Variants in TMTC2 observed in about 807,000 individuals in gnomAD.
TMTC2 encodes the protein transmembrane O-mannosyltransferase targeting cadherins 2, also known as protein O-mannosyl-transferase TMTC2.
Under a neutral mutation model 82.4 loss-of-function variants are expected in TMTC2, and 43 were observed. That is an observed-to-expected ratio of 0.52 (90% CI 0.41 to 0.67). The LOEUF (loss-of-function observed/expected upper bound fraction) is 0.67. TMTC2 is among the 30% of genes least tolerant of loss of function. The pLI, the probability that TMTC2 is intolerant of heterozygous loss-of-function variation, is 0.00. For missense variants in TMTC2, 919 were observed against 1,012.4 expected (o/e 0.91, Z 1.25); for synonymous variants, 408 against 381.9 (o/e 1.07, Z -0.80).
chr12:82,697,148 A>G (rs988317243), intron 1 of TMTC2, among the ~76,000 whole-genome samples: 1 of 151,698 alleles, frequency 6.6e-6, no homozygotes, highest in East Asian at 1.9e-4. Flanking sequence ...GATTGAGACC[A>G]TCCTGGTCAA....
At chr12:82,717,578 G>A (rs1873961839) in intron 1 of TMTC2, among the ~76,000 whole-genome samples, 1 of 152,008 alleles carries the variant, frequency 6.6e-6, no homozygotes, top group African/African-American at 2.4e-5. Context: ...TCTTATCTTA[G>A]GCACTTAACT....
At chr12:82,753,599 T>C (rs1434964525) in intron 1 of TMTC2, among the ~76,000 whole-genome samples, 2 of 152,098 alleles carry the variant, frequency 1.3e-5, no homozygotes, top group African/African-American at 4.8e-5. Flanking sequence ...TGGAAGGAAG[T>C]CATAAAAAAA....
In TMTC2 at chr12:82,733,071, T is replaced by C. The variant is rs1874910063; in HGVS notation, c.83+45402T>C. ...TGTTCTCAGAGGGAAGATCTCTTTA[T>C]TTTTTTTCAAAATGTTTCATTTGTG... On this transcript the variant is annotated intron_variant, in intron 1 of 11. Coordinates refer to ENST00000321196, the MANE Select transcript of TMTC2 (RefSeq NM_152588.3). 2.6e-5 allele frequency among the ~76,000 whole-genome samples: 4 copies of C among 152,048 alleles called. No individual in the cohort carries two copies. In the South Asian group the frequency reaches 8.3e-4, roughly 32 times the overall value.
chr12:82,819,422 G>A (rs569441499), intron 1 of TMTC2, among the ~76,000 whole-genome samples: 2 of 151,014 alleles, frequency 1.3e-5, no homozygotes, highest in African/African-American at 4.9e-5. Flanking sequence ...GTTTATCATG[G>A]TTCCTCTTGA....
chr12:82,973,533 A>AT (rs1315726474), intron 7 of TMTC2, among the ~76,000 whole-genome samples: 4 of 152,126 alleles, frequency 2.6e-5, no homozygotes, highest in Admixed American at 6.5e-5. Context: ...AAAAACTATA[A>AT]TTTTTTCTCC....
Position 83,029,896 on chromosome 12 carries a change from C to T in TMTC2, c.2071-902C>T, listed in dbSNP as rs550477276. Among the ~76,000 whole-genome samples, 9 of 152,204 alleles carry T rather than the reference C, an allele frequency of 5.9e-5. No homozygotes were observed. In the South Asian group the frequency reaches 1.9e-3, roughly 32 times the overall value. On this transcript the variant is annotated intron_variant, in intron 8 of 11. Coordinates refer to ENST00000321196, the MANE Select transcript of TMTC2 (RefSeq NM_152588.3). ...CTGTTTTTTGCTTATTTTCCTTGTG[C>T]GTATGATGGTAATATTTACTTAAAA...
At chr12:82,728,626 C>T (rs897266104) in intron 1 of TMTC2, among the ~76,000 whole-genome samples, 11 of 152,200 alleles carry the variant, frequency 7.2e-5, no homozygotes, top group African/African-American at 2.4e-4. Context: ...TCACAGCCCT[C>T]GCTTGCTCTG....
intron 1 of TMTC2, among the ~76,000 whole-genome samples, chr12:82,828,246 C>G (rs1592555367): frequency 7.1e-6 from 1 of 141,426 alleles, no homozygotes. Context: ...GGCAGTCTCA[C>G]TCTGTCACCC....
chr12:82,921,079 T>A (rs1384223497), intron 3 of TMTC2, among the ~76,000 whole-genome samples: 1 of 152,174 alleles, frequency 6.6e-6, no homozygotes, highest in African/African-American at 2.4e-5. Context: ...ATTTTGTTAC[T>A]ACTGAGGGTT....
intron 9 of TMTC2, among the ~76,000 whole-genome samples, chr12:83,046,406 G>C (rs1013182335): frequency 2.6e-5 from 4 of 152,172 alleles, no homozygotes; most frequent in Non-Finnish European, 5.9e-5. Flanking sequence ...CACTGAATCT[G>C]AAATTCTGCG....
chr12:82,857,422 G>A lies in TMTC2; in HGVS notation c.496G>A (p.Ala166Thr). 1 of 1,614,192 alleles carries A rather than the reference G, an allele frequency of 6.2e-7. No homozygotes were observed. Among genetic ancestry groups the A allele is most frequent in the Non-Finnish European group, 8.5e-7 (1 of 1,180,036 alleles). The change falls in exon 2 of 12, where the codon GCC (alanine) becomes ACC (threonine). Residue 166 changes from alanine to threonine, a missense_variant. Ala to Thr is a moderately conservative substitution (Grantham distance 58). Coordinates refer to ENST00000321196, the MANE Select transcript of TMTC2 (RefSeq NM_152588.3). ...IKHCSTRGYS[A>T]RTWGWFLGSG... ...ACACTGTTCTACAAGAGGCTACTCA[G>A]CCAGAACCTGGGGCTGGTTCCTGGG...
chr12:82,699,421 A>G (rs995304086), intron 1 of TMTC2, among the ~76,000 whole-genome samples: 3 of 152,206 alleles, frequency 2.0e-5, no homozygotes, highest in African/African-American at 4.8e-5. Context: ...TGCATCTGGT[A>G]TAAATAGTCT....
At chr12:82,987,011 A>T (rs1879179494) in intron 8 of TMTC2, among the ~76,000 whole-genome samples, 1 of 152,212 alleles carries the variant, frequency 6.6e-6, no homozygotes, top group Non-Finnish European at 1.5e-5. Context: ...AACATAGAGC[A>T]AATGATCAGG....
chr12:82,883,368 A>AT (rs1465391660), intron 2 of TMTC2, among the ~76,000 whole-genome samples: 1 of 152,284 alleles, frequency 6.6e-6, no homozygotes, highest in Non-Finnish European at 1.5e-5. Flanking sequence ...TAAGGCATGT[A>AT]TGTTTATTAA....
At chr12:82,851,016 A>G (rs758131648) in intron 1 of TMTC2, among the ~76,000 whole-genome samples, 63 of 151,988 alleles carry the variant, frequency 4.1e-4, no homozygotes, top group Non-Finnish European at 9.1e-4. Context: ...GTGAGCTGAA[A>G]TTGCACCTCT....
intron 4 of TMTC2, among the ~76,000 whole-genome samples, chr12:82,941,853 A>G (rs1010797058): frequency 6.6e-6 from 1 of 152,074 alleles, no homozygotes; most frequent in African/African-American, 2.4e-5. Flanking sequence ...TCTGCCTCCC[A>G]GGTTCAAGCG....
chr12:82,804,734 G>A (rs543112246), intron 1 of TMTC2, among the ~76,000 whole-genome samples: 1 of 152,214 alleles, frequency 6.6e-6, no homozygotes, highest in East Asian at 1.9e-4. Context: ...TTGTTGCCCA[G>A]AAATTTCAAG....
intron 3 of TMTC2, among the ~76,000 whole-genome samples, chr12:82,912,896 G>A (rs900464809): frequency 2.8e-5 from 4 of 143,714 alleles, no homozygotes; most frequent in South Asian, 4.4e-4. Flanking sequence ...CTATGGTCAC[G>A]CCACTGCACT....
Position 82,857,235 on chromosome 12 carries a change from A to G in TMTC2, c.309A>G (p.Thr103=), listed in dbSNP as rs766316730. The change falls in exon 2 of 12, where the codon ACA becomes ACG. Residue 103 remains threonine (T), a synonymous_variant. Coordinates refer to ENST00000321196, the MANE Select transcript of TMTC2 (RefSeq NM_152588.3). ...ATGCAGCAGTCACTGGTCTCTTCACAAGCTTCTCCAAGATCCTCCTTGGTG... is the reference window on the plus strand; with the variant it reads ...ATGCAGCAGTCACTGGTCTCTTCACGAGCTTCTCCAAGATCCTCCTTGGTG... ...LLHAAVTGLF[T]SFSKILLGDG... 1 of 1,614,052 alleles carries G rather than the reference A, an allele frequency of 6.2e-7. No homozygotes were observed. The highest frequency in any genetic ancestry group is 1.7e-5 in the Admixed American group (1 of 60,014).
Sources: allele counts gnomAD v4.1 joint callset (sites outside exome capture counted in the v4.1 genomes callset), GRCh38; gene constraint gnomAD v4.1.1; transcripts MANE v1.5; gene names NCBI Gene and HGNC (gene_info 2026-07-23, HGNC 2026-07-21).